Variants in ANKS1B observed in about 807,000 individuals in gnomAD.
ANKS1B encodes ankyrin repeat and sterile alpha motif domain containing 1B, also known as ankyrin repeat and sterile alpha motif domain-containing protein 1B.
A neutral mutation model predicts 148.3 loss-of-function variants in ANKS1B; 36 were observed. The ratio of observed to expected loss-of-function variants is 0.24; its 90% CI spans 0.19 to 0.32. The LOEUF is 0.32. Among genes scored for constraint, ANKS1B ranks in the 10% least tolerant of loss-of-function variants. The pLI is 1.00. For synonymous variants in ANKS1B, 542 were observed against 560.8 expected, an observed-to-expected ratio of 0.97 and a Z score of 0.47; for missense variants, 1,157 against 1,542.6, an observed-to-expected ratio of 0.75 and a Z score of 4.19.
intron 10 of ANKS1B, among the ~76,000 whole-genome samples, chr12:99,476,174 C>G (rs906869980): frequency 1.8e-4 from 28 of 152,158 alleles, no homozygotes; most frequent in Admixed American, 1.3e-3. Flanking sequence ...AAGCGGATTA[C>G]TTGAGGTCAG....
intron 17 of ANKS1B, among the ~76,000 whole-genome samples, chr12:98,876,879 G>C (rs1326256409): frequency 1.3e-5 from 2 of 152,180 alleles, no homozygotes; most frequent in Non-Finnish European, 2.9e-5. Context: ...ATGCATCAAA[G>C]CACTGTGAAA....
intron 17 of ANKS1B, among the ~76,000 whole-genome samples, chr12:98,857,350 T>C (rs942097435): frequency 3.3e-5 from 5 of 152,224 alleles, no homozygotes; most frequent in Admixed American, 6.5e-5. Context: ...ATTTGGATAC[T>C]GCTGGGACAT....
At chr12:99,059,227 T>G (rs1475838177) in intron 16 of ANKS1B, among the ~76,000 whole-genome samples, 1 of 152,224 alleles carries the variant, frequency 6.6e-6, no homozygotes, top group African/African-American at 2.4e-5. Flanking sequence ...TCTTCTTCAT[T>G]GGACTGCCTA....
chr12:98,839,907 G>T (rs1028855583), intron 17 of ANKS1B, among the ~76,000 whole-genome samples: 1 of 152,232 alleles, frequency 6.6e-6, no homozygotes, highest in Middle Eastern at 3.4e-3. Context: ...CATCCTGGTG[G>T]GTATAGCTAA....
At chr12:99,327,373 T>C (rs1010806547) in intron 12 of ANKS1B, among the ~76,000 whole-genome samples, 1 of 106,226 alleles carries the variant, frequency 9.4e-6, no homozygotes, top group Non-Finnish European at 1.8e-5. Flanking sequence ...AATTACATAT[T>C]ATATATAATT....
downstream of ANKS1B, among the ~76,000 whole-genome samples, chr12:98,742,495 A>G (rs2097807162): frequency 6.6e-6 from 1 of 152,264 alleles, no homozygotes; most frequent in African/African-American, 2.4e-5. Context: ...TCTTTGCAGA[A>G]GCAACTCTAA....
chr12:99,294,883 T>G (rs760768662), intron 12 of ANKS1B, among the ~76,000 whole-genome samples: 13 of 152,138 alleles, frequency 8.5e-5, no homozygotes, highest in Non-Finnish European at 1.6e-4. Context: ...AATCTCCTGA[T>G]TTCAGGTGAT....
Position 99,508,654 on chromosome 12 carries a change from A to G in ANKS1B, c.1273-4013T>C, listed in dbSNP as rs373090031. Among the ~76,000 whole-genome samples, 19 of 151,984 alleles carry G rather than the reference A, an allele frequency of 1.3e-4. No individual in the cohort carries two copies. The South Asian group carries it at 3.9e-3, about 32-fold the overall frequency. On this transcript the variant is annotated intron_variant, in intron 9 of 26. Coordinates refer to ENST00000683438, the MANE Select transcript of ANKS1B (RefSeq NM_001352186.2). The stretch of plus-strand genomic sequence containing the variant: ...TACCTGGTCATAATTTATTTGGCCA[A>G]TCCTATCATATTGAAATTTTAATGT...
At chr12:98,858,162 C>T (rs959030172) in intron 17 of ANKS1B, among the ~76,000 whole-genome samples, 3 of 152,196 alleles carry the variant, frequency 2.0e-5, no homozygotes, top group Non-Finnish European at 4.4e-5. Context: ...GGGACCTACT[C>T]TATGTACTCT....
chr12:98,833,641 A>C (rs1291477711), intron 17 of ANKS1B, among the ~76,000 whole-genome samples: 1 of 152,080 alleles, frequency 6.6e-6, no homozygotes, highest in East Asian at 1.9e-4. Flanking sequence ...CAGGTTTGTT[A>C]CATGAATACA....
rs534017685 is a variant in ANKS1B at position 98,801,282 on chromosome 12, T to C, written c.3142-157A>G. On this transcript the variant is annotated intron_variant, in intron 20 of 26. Transcript: ENST00000683438. This position sits in a 1 kb window ranked among gnomAD's most constrained non-coding sequence, Gnocchi z 5.2. ...TAAATACTTGGTTATTACATTTTTA[T>C]ATGTATTAGCATATCTCTCAAGGCT... 6.6e-6 allele frequency among the ~76,000 whole-genome samples: 1 copy of C among 152,238 alleles called. No homozygotes were observed. Among genetic ancestry groups the C allele is most frequent in the Non-Finnish European group, 1.5e-5 (1 of 68,050 alleles).
In ANKS1B at chr12:99,098,619, C is replaced by CTTT. The variant is rs71081896; in HGVS notation, c.2527-13599_2527-13597dup. ...AATAAAGCATGCCTGCTAGGAACTA[C>CTTT]TTTTTTTTTTTTTTTTTTTTTTTTT... On this transcript the variant is annotated intron_variant, in intron 15 of 26. Transcript: ENST00000683438. Among the ~76,000 whole-genome samples the CTTT allele has an allele frequency of 5.1e-3, 164 of 32,112 alleles. 39 individuals are homozygous for CTTT. Among genetic ancestry groups the CTTT allele is most frequent in the Admixed American group, 7.4e-3 (11 of 1,484 alleles). 21.1% of individuals were successfully genotyped at this position (32,112 alleles called of 152,430 possible). A position where few individuals can be genotyped will look rare whatever the true frequency, so the allele number is the denominator to read the frequency against.
chr12:98,740,663 G>A (rs572512716), downstream of ANKS1B, among the ~76,000 whole-genome samples: 41 of 152,290 alleles, frequency 2.7e-4, no homozygotes, highest in East Asian at 6.6e-3. Flanking sequence ...AGTGACCACC[G>A]CAATATCCAA....
chr12:99,716,307 C>T (rs1306715169), intron 8 of ANKS1B, among the ~76,000 whole-genome samples: 15 of 148,418 alleles, frequency 1.0e-4, no homozygotes, highest in Admixed American at 9.9e-4. Flanking sequence ...CTTATCTCTG[C>T]ACCCCAACCC....
chr12:99,771,236 G>A (rs1297263574), intron 8 of ANKS1B, among the ~76,000 whole-genome samples: 2 of 152,076 alleles, frequency 1.3e-5, no homozygotes, highest in East Asian at 1.9e-4. Context: ...CTTTTGTTGT[G>A]TATGTCTCAT....
chr12:99,761,730 T>C (rs2062137592), intron 8 of ANKS1B, among the ~76,000 whole-genome samples: 2 of 152,000 alleles, frequency 1.3e-5, no homozygotes, highest in South Asian at 4.1e-4. Flanking sequence ...ATAAAAGGCA[T>C]CCAAATGGAA....
intron 9 of ANKS1B, among the ~76,000 whole-genome samples, chr12:98,737,414 G>C (rs1320395029): frequency 1.3e-5 from 2 of 152,164 alleles, no homozygotes; most frequent in African/African-American, 4.8e-5. Context: ...GGGCTGCCCT[G>C]CCCTCTCCTA....
At chr12:99,661,822 T>C (rs990494840) in intron 8 of ANKS1B, among the ~76,000 whole-genome samples, 1 of 152,208 alleles carries the variant, frequency 6.6e-6, no homozygotes, top group Non-Finnish European at 1.5e-5. Flanking sequence ...TGCAGCTAGG[T>C]GTGACCACAT....
chr12:99,185,213 C>A (rs1307707331), intron 14 of ANKS1B, among the ~76,000 whole-genome samples: 2 of 152,000 alleles, frequency 1.3e-5, no homozygotes, highest in African/African-American at 2.4e-5. Context: ...GATTACCATG[C>A]CATTTAAAAA....
Sources: gnomAD v4.1 joint callset for allele counts (sites outside exome capture counted in the v4.1 genomes callset) on GRCh38, gnomAD v4.1.1 for gene constraint, Gnocchi (gnomAD v3.1) non-coding constraint, MANE v1.5 for transcripts, NCBI Gene and HGNC (gene_info 2026-07-23, HGNC 2026-07-21) for gene names.